Variants in THRB observed in about 807,000 individuals in gnomAD.
THRB encodes thyroid hormone receptor beta.
THRB carries 12 observed loss-of-function variants against 47.8 expected under a neutral mutation model. That is an observed-to-expected ratio of 0.25 (90% CI 0.16 to 0.41). THRB has a LOEUF of 0.41. Among genes scored for constraint, THRB ranks in the 10% least tolerant of loss-of-function variants. The pLI, the probability that THRB is intolerant of heterozygous loss-of-function variation, is 1.00. For synonymous variants in THRB, 218 were observed against 212.2 expected (o/e 1.03, Z -0.24); for missense variants, 348 against 589.2 (o/e 0.59, Z 4.24).
intron 5 of THRB, among the ~76,000 whole-genome samples, chr3:24,167,857 G>A (rs1275805664): frequency 6.6e-6 from 1 of 152,056 alleles, no homozygotes. Context: ...CTCTAAATAT[G>A]CTTGAAAAAT....
chr3:24,338,874 T>C (rs1471264139), intron 1 of THRB, among the ~76,000 whole-genome samples: 1 of 152,238 alleles, frequency 6.6e-6, no homozygotes, highest in Non-Finnish European at 1.5e-5. Context: ...TCAATATCTC[T>C]CTGCACCGCC....
intron 1 of THRB, among the ~76,000 whole-genome samples, chr3:24,375,209 A>G (rs1415695354): frequency 6.6e-6 from 1 of 151,426 alleles, no homozygotes; most frequent in Non-Finnish European, 1.5e-5. Context: ...AGCAGCATAC[A>G]CTATCTTTTA....
chr3:24,208,307 C>T (rs2045625665), intron 4 of THRB, among the ~76,000 whole-genome samples: 1 of 152,148 alleles, frequency 6.6e-6, no homozygotes. Context: ...CCATCCCCAT[C>T]AAGCTACCAA....
At chr3:24,421,339 G>A (rs1385501231) in intron 1 of THRB, among the ~76,000 whole-genome samples, 1 of 149,748 alleles carries the variant, frequency 6.7e-6, no homozygotes, top group African/African-American at 2.4e-5. Flanking sequence ...ATGTACCCCT[G>A]AACCTAAAAT....
chr3:24,242,291 A>G (rs1259175298), intron 3 of THRB, among the ~76,000 whole-genome samples: 2 of 152,136 alleles, frequency 1.3e-5, no homozygotes, highest in East Asian at 3.9e-4. Context: ...TTTCTGCATG[A>G]TTCTTAAATT....
chr3:24,252,384 G>T (rs918498843), intron 3 of THRB, among the ~76,000 whole-genome samples: 1 of 151,856 alleles, frequency 6.6e-6, no homozygotes, highest in East Asian at 1.9e-4. Flanking sequence ...AACTCCTAAA[G>T]ATGAGATAAA....
chr3:24,349,800 C>A (rs2063252910), intron 1 of THRB, among the ~76,000 whole-genome samples: 1 of 151,762 alleles, frequency 6.6e-6, no homozygotes, highest in Admixed American at 6.6e-5. Context: ...TTTTCTTAAA[C>A]AGGACACAAA....
chr3:24,215,766 A>G (rs1331931085), intron 4 of THRB, among the ~76,000 whole-genome samples: 1 of 152,218 alleles, frequency 6.6e-6, no homozygotes, highest in Non-Finnish European at 1.5e-5. Context: ...AATGAATGAA[A>G]GCATTGGGCA....
At chr3:24,435,764 G>A (rs1425824862) in intron 1 of THRB, among the ~76,000 whole-genome samples, 3 of 152,094 alleles carry the variant, frequency 2.0e-5, no homozygotes, top group South Asian at 2.1e-4. Context: ...AGTAATGTGG[G>A]CCCAGGAATG....
At chr3:24,157,268 C>T (rs1312944089) in intron 5 of THRB, among the ~76,000 whole-genome samples, 2 of 151,992 alleles carry the variant, frequency 1.3e-5, no homozygotes, top group East Asian at 3.9e-4. Context: ...TGCCCTCTGG[C>T]TGGCTGGGCC....
intron 1 of THRB, among the ~76,000 whole-genome samples, chr3:24,440,152 T>A (rs1306950246): frequency 6.6e-6 from 1 of 152,228 alleles, no homozygotes; most frequent in Non-Finnish European, 1.5e-5. Flanking sequence ...TTGATTTTTT[T>A]AAACTTAAGT....
chr3:24,184,510 T>C lies in THRB; in HGVS notation c.283+5564A>G, dbSNP rs769563105. Among the ~76,000 whole-genome samples, 41 of 152,316 alleles carry C rather than the reference T, an allele frequency of 2.7e-4. 1 individual carries two copies. The Middle Eastern group carries it at 0.01, about 38-fold the overall frequency. On this transcript the variant is annotated intron_variant, in intron 5 of 10. Coordinates refer to ENST00000646209, the MANE Select transcript of THRB (RefSeq NM_001354712.2). ...TCTGATATCTACCTCCCTTTGACATTGCTGTTTCCAGTTTTTTGTTTTTTC... is the reference window on the plus strand; with the variant it reads ...TCTGATATCTACCTCCCTTTGACATCGCTGTTTCCAGTTTTTTGTTTTTTC...
chr3:24,278,599 A>G (rs1241808761), intron 3 of THRB, among the ~76,000 whole-genome samples: 16 of 152,208 alleles, frequency 1.1e-4, no homozygotes, highest in Admixed American at 1.0e-3. Flanking sequence ...GCCATATCAC[A>G]ACCCTCTATT....
At chr3:24,366,621 C>CTTTTT (rs11389687) in intron 1 of THRB, among the ~76,000 whole-genome samples, 1 of 125,850 alleles carries the variant, frequency 7.9e-6, no homozygotes, top group Admixed American at 8.2e-5. Flanking sequence ...CAGCCTCTCA[C>CTTTTT]TTTTTTTTTT....
chr3:24,303,317 T>C lies in THRB; in HGVS notation c.-188-5946A>G, dbSNP rs963248802. Among the ~76,000 whole-genome samples, 10 of 152,272 alleles carry C rather than the reference T, an allele frequency of 6.6e-5. No individual in the cohort carries two copies. The East Asian group carries it at 1.3e-3, about 21-fold the overall frequency. ...TGAGGTGAGTGTTTGGGCCAAAGGG[T>C]GGTCAGCAAACATGATGCCTGAAAA... On this transcript the variant is annotated intron_variant, in intron 2 of 10. Transcript: ENST00000646209.
intron 1 of THRB, among the ~76,000 whole-genome samples, chr3:24,448,498 T>C (rs2072322524): frequency 6.6e-6 from 1 of 152,162 alleles, no homozygotes; most frequent in Non-Finnish European, 1.5e-5. Context: ...AAAGCTACAA[T>C]ACACAGATAA....
intron 7 of THRB, 143 bp from the exon 8 acceptor site, chr3:24,143,849 T>C: frequency 1.3e-6 from 1 of 780,298 alleles, no homozygotes; most frequent in East Asian, 2.6e-5. Flanking sequence ...ACTGGGACAG[T>C]TTCTCTCCTC....
At chr3:24,180,370 A>G (rs1402048879) in intron 5 of THRB, among the ~76,000 whole-genome samples, 1 of 152,204 alleles carries the variant, frequency 6.6e-6, no homozygotes, top group African/African-American at 2.4e-5. Context: ...TTCTGACTCA[A>G]ATGCCAAGTG....
chr3:24,127,371 T>C, intron 10 of THRB, 128 bp downstream of exon 10: 2 of 1,024,632 alleles, frequency 2.0e-6, no homozygotes, highest in Non-Finnish European at 1.5e-6. Context: ...AAACCTGCAA[T>C]TTCTTACTGA....
Sources: gnomAD v4.1 joint callset for allele counts (sites outside exome capture counted in the v4.1 genomes callset) on GRCh38, gnomAD v4.1.1 for gene constraint, MANE v1.5 for transcripts, NCBI Gene and HGNC (gene_info 2026-07-23, HGNC 2026-07-21) for gene names.